Variants in HNRNPM observed in about 807,000 individuals in gnomAD.
HNRNPM encodes heterogeneous nuclear ribonucleoprotein M, also known as CEA receptor.
HNRNPM carries 11 observed loss-of-function variants against 73.1 expected under a neutral mutation model. That is an observed-to-expected ratio of 0.15 (90% CI 0.09 to 0.25). The LOEUF is 0.25. HNRNPM is among the 10% of genes least tolerant of loss of function. The pLI is 1.00. For synonymous variants in HNRNPM, 407 were observed against 355.2 expected (o/e 1.15, Z -1.64); for missense variants, 789 against 1,067.9 (o/e 0.74, Z 3.64).
intron 1 of HNRNPM, among the ~76,000 whole-genome samples, chr19:8,454,440 T>C (rs1323864010): frequency 1.3e-5 from 2 of 152,222 alleles, no homozygotes; most frequent in African/African-American, 4.8e-5. Flanking sequence ...AATATCCCAT[T>C]GCATGGATAG....
At chr19:8,458,550 G>A (rs918321389) in intron 2 of HNRNPM, among the ~76,000 whole-genome samples, 2 of 152,362 alleles carry the variant, frequency 1.3e-5, no homozygotes, top group South Asian at 4.1e-4. Context: ...AGGTGGGGCA[G>A]TGCCACCAGA....
At chr19:8,463,775 C>G (rs999491645) in intron 5 of HNRNPM, 89 bp downstream of exon 5, 62 of 877,120 alleles carry the variant, frequency 7.1e-5, no homozygotes, top group Non-Finnish European at 1.8e-6. Context: ...TGGTCCCAGA[C>G]GGCATTTACA....
intron 8 of HNRNPM, among the ~76,000 whole-genome samples, chr19:8,468,332 T>C (rs1168160051): frequency 2.0e-5 from 3 of 152,234 alleles, no homozygotes; most frequent in Non-Finnish European, 4.4e-5. Flanking sequence ...CTGCCGTAAC[T>C]GTGCCAAAGA....
chr19:8,447,886 C>T (rs1968319350), intron 1 of HNRNPM, among the ~76,000 whole-genome samples: 1 of 152,086 alleles, frequency 6.6e-6, no homozygotes, highest in Admixed American at 6.6e-5. Flanking sequence ...ATTAGCCGGG[C>T]GTGGTGCCGG....
At chr19:8,477,153 T>C (rs1970568235) in intron 12 of HNRNPM, among the ~76,000 whole-genome samples, 1 of 152,104 alleles carries the variant, frequency 6.6e-6, no homozygotes, top group Non-Finnish European at 1.5e-5. Flanking sequence ...AGTGAGATGA[T>C]TAATAACTAG....
intron 1 of HNRNPM, 148 bp from the exon 2 acceptor site, chr19:8,455,257 A>T: frequency 1.6e-6 from 1 of 640,660 alleles, no homozygotes; most frequent in Non-Finnish European, 2.6e-6. Flanking sequence ...CTAGGATTAC[A>T]GGTGTGAGCC....
At chr19:8,454,258 G>A (rs932149302) in intron 1 of HNRNPM, among the ~76,000 whole-genome samples, 4 of 152,098 alleles carry the variant, frequency 2.6e-5, no homozygotes, top group African/African-American at 7.2e-5. Context: ...CTAGGCCCAG[G>A]TAACCTCTGT....
intron 10 of HNRNPM, 66 bp downstream of exon 10, chr19:8,471,493 C>T (rs537636885): frequency 7.2e-6 from 6 of 828,416 alleles, no homozygotes; most frequent in Non-Finnish European, 1.1e-5. Context: ...ATTGGGACAA[C>T]TGGACTTTGA....
At chr19:8,472,371 G>A (rs979335185) in intron 10 of HNRNPM, among the ~76,000 whole-genome samples, 22 of 152,008 alleles carry the variant, frequency 1.4e-4, no homozygotes, top group Admixed American at 9.8e-4. Context: ...TCCCACCATT[G>A]TCAGTGTTGC....
Position 8,444,988 on chromosome 19 carries a change from A to G in HNRNPM, c.-11A>G. On this transcript the variant is annotated 5_prime_UTR_variant, in exon 1 of 16. Transcript: ENST00000325495. The stretch of plus-strand genomic sequence containing the variant: ...GCCCGTTCGCTCACACAAAGCCCAG[A>G]CGCGGAGAAAATGGCGGCAGGGGTC... 4.3e-6 allele frequency: 6 copies of G among 1,404,154 alleles called. No individual in the cohort carries two copies. Among genetic ancestry groups the G allele is most frequent in the Middle Eastern group, 4.1e-4 (2 of 4,888 alleles). The allele number at this position is 1,404,154 out of a possible 1,614,324, so 87.0% of individuals were successfully genotyped here.
At chr19:8,456,373 G>A (rs1969027481) in intron 2 of HNRNPM, among the ~76,000 whole-genome samples, 1 of 152,138 alleles carries the variant, frequency 6.6e-6, no homozygotes, top group South Asian at 2.1e-4. Context: ...CCTGATTCTT[G>A]GCCCTGCTGG....
chr19:8,452,289 A>C (rs983024446), intron 1 of HNRNPM, among the ~76,000 whole-genome samples: 1 of 152,248 alleles, frequency 6.6e-6, no homozygotes, highest in Admixed American at 6.5e-5. Context: ...ACTCTGTCAG[A>C]ATGTTTTTTA....
At chr19:8,449,448 C>T (rs1968458310) in intron 1 of HNRNPM, among the ~76,000 whole-genome samples, 2 of 152,138 alleles carry the variant, frequency 1.3e-5, no homozygotes, top group Non-Finnish European at 2.9e-5. Flanking sequence ...CAGTAGAAGG[C>T]TAGGAGTGAA....
chr19:8,483,502 A>G (rs181157803), intron 13 of HNRNPM, among the ~76,000 whole-genome samples: 1 of 152,348 alleles, frequency 6.6e-6, no homozygotes, highest in Non-Finnish European at 1.5e-5. Context: ...GACCATCTTC[A>G]TTGTTAGAGT....
intron 1 of HNRNPM, among the ~76,000 whole-genome samples, chr19:8,448,362 T>C (rs1362756419): frequency 6.6e-6 from 1 of 152,030 alleles, no homozygotes; most frequent in Non-Finnish European, 1.5e-5. Flanking sequence ...AGTTAGGGTA[T>C]AGTCAGGGAA....
rs769408560 is a variant in HNRNPM, at chr19:8,485,971, G to T, written c.1543G>T (p.Val515Leu). 11 of 1,605,582 alleles carry T rather than the reference G, an allele frequency of 6.9e-6. No individual in the cohort carries two copies. The highest frequency in any genetic ancestry group is 9.3e-6 in the Non-Finnish European group (11 of 1,179,040). The change falls in exon 14 of 16, where the codon GTG (valine) becomes TTG (leucine). Residue 515 changes from valine to leucine, a missense_variant. Transcript: ENST00000325495. Reference protein sequence around the residue: ...GQTIERMGSGVERMGPAIERM... With the variant: ...GQTIERMGSGLERMGPAIERM... ...GACCATTGAGCGCATGGGCTCTGGC[G>T]TGGAGCGCATGGGCCCTGCCATCGA... is the stretch of plus-strand genomic sequence containing the variant.
At chr19:8,469,480 T>C (rs531858154) in intron 9 of HNRNPM, among the ~76,000 whole-genome samples, 1 of 152,332 alleles carries the variant, frequency 6.6e-6, no homozygotes, top group Non-Finnish European at 1.5e-5. Context: ...TTGAGTTTTA[T>C]GGTATGTGAA....
At chr19:8,488,583 T>C in intron 15 of HNRNPM, 108 bp from the exon 16 acceptor site, 1 of 942,108 alleles carries the variant, frequency 1.1e-6, no homozygotes, top group Non-Finnish European at 1.6e-6. Flanking sequence ...GCCATTGTAT[T>C]CTGAGCCTTT....
In HNRNPM at chr19:8,444,985, C is replaced by T. The variant is rs201184540; in HGVS notation, c.-14C>T. ...GCAGCCCGTTCGCTCACACAAAGCC[C>T]AGACGCGGAGAAAATGGCGGCAGGG... On this transcript the variant is annotated 5_prime_UTR_variant, in exon 1 of 16. Transcript: ENST00000325495. 2,591 of 1,401,242 alleles carry T rather than the reference C, an allele frequency of 1.8e-3. 3 individuals are homozygous for T. Among genetic ancestry groups the T allele is most frequent in the Non-Finnish European group, 2.3e-3 (2,468 of 1,077,706 alleles). 86.8% of individuals were successfully genotyped at this position (1,401,242 alleles called of 1,614,324 possible).
Sources: allele counts gnomAD v4.1 joint callset (sites outside exome capture counted in the v4.1 genomes callset), GRCh38; gene constraint gnomAD v4.1.1; transcripts MANE v1.5; gene names NCBI Gene and HGNC (gene_info 2026-07-23, HGNC 2026-07-21).